Variants in ATP11B observed in about 807,000 individuals in gnomAD.
ATP11B encodes the protein phospholipid-transporting ATPase IF.
ATP11B carries 81 observed loss-of-function variants against 157.8 expected under a neutral mutation model. The observed-to-expected ratio is 0.51, with a 90% CI of 0.43 to 0.62. The LOEUF is 0.62. ATP11B is among the 20% of genes least tolerant of loss of function. ATP11B has a pLI of 0.00. For missense variants in ATP11B, 1,165 were observed against 1,402.2 expected, an observed-to-expected ratio of 0.83 and a Z score of 2.70; for synonymous variants, 451 against 469.4, an observed-to-expected ratio of 0.96 and a Z score of 0.51.
intron 1 of ATP11B, among the ~76,000 whole-genome samples, chr3:182,805,400 C>T (rs1716264094): frequency 6.6e-6 from 1 of 151,356 alleles, no homozygotes; most frequent in African/African-American, 2.4e-5. Context: ...TTTTTATGTA[C>T]CTGTTGGCCA....
intron 1 of ATP11B, among the ~76,000 whole-genome samples, chr3:182,809,558 C>T (rs112347004): frequency 1.3e-5 from 2 of 152,236 alleles, no homozygotes; most frequent in African/African-American, 4.8e-5. Context: ...CCGCTCTGTA[C>T]ACTAATAAGC....
intron 3 of ATP11B, 103 bp downstream of exon 3, chr3:182,828,312 A>T (rs1717865083): frequency 3.7e-6 from 2 of 543,446 alleles, no homozygotes; most frequent in Non-Finnish European, 6.4e-6. Context: ...TGACCATGTG[A>T]CCATTTTTTC....
At chr3:182,839,998 T>A (rs1019090486) in intron 7 of ATP11B, among the ~76,000 whole-genome samples, 5 of 152,210 alleles carry the variant, frequency 3.3e-5, no homozygotes, top group Non-Finnish European at 5.9e-5. Context: ...GACCTTTTTT[T>A]AAATATTGCA....
rs1721741787 is a variant in ATP11B at position 182,872,549 on chromosome 3, A to C, written c.2048+12A>C. The stretch of plus-strand genomic sequence containing the variant: ...GCAGTAGAAGACAGGTAAGTATCAG[A>C]TAATTAAAAAATATTACTTTTCTCT... On this transcript the variant is annotated intron_variant, in intron 18 of 29. Transcript: ENST00000323116. 1.3e-6 allele frequency: 2 copies of C among 1,562,522 alleles called. No individual in the cohort carries two copies. The highest frequency in any genetic ancestry group is 1.7e-6 in the Non-Finnish European group (2 of 1,157,476).
intron 28 of ATP11B, chr3:182,902,517 A>G: frequency 7.8e-7 from 1 of 1,289,590 alleles, no homozygotes; most frequent in Non-Finnish European, 1.0e-6. Flanking sequence ...TGACGAGTTC[A>G]TCGCACTGCA....
At chr3:182,830,002 AGTATT>A in intron 4 of ATP11B, 1 of 925,154 alleles carries the variant, frequency 1.1e-6, no homozygotes, top group Non-Finnish European at 1.3e-6. Flanking sequence ...TCCAAAAACA[AGTATT>A]GTATATGTAT....
At chr3:182,903,338 A>C (rs1220378520) in intron 28 of ATP11B, among the ~76,000 whole-genome samples, 3 of 151,940 alleles carry the variant, frequency 2.0e-5, no homozygotes, top group East Asian at 3.8e-4. Flanking sequence ...TTTTTAAATT[A>C]TTTTTTATTC....
intron 1 of ATP11B, among the ~76,000 whole-genome samples, chr3:182,808,241 A>G (rs572100439): frequency 5.3e-5 from 8 of 152,326 alleles, no homozygotes; most frequent in African/African-American, 1.4e-4. Flanking sequence ...AGTGAGAGTG[A>G]ACCTGATTGT....
intron 29 of ATP11B, chr3:182,915,213 G>A (rs1725061126): frequency 1.0e-6 from 1 of 985,220 alleles, no homozygotes; most frequent in African/African-American, 1.7e-5. Context: ...ATGCCTTTAT[G>A]ATACAATTGA....
At chr3:182,846,720 A>T (rs1165537038) in intron 9 of ATP11B, among the ~76,000 whole-genome samples, 1 of 152,236 alleles carries the variant, frequency 6.6e-6, no homozygotes, top group East Asian at 1.9e-4. Context: ...GAAGCCAGAC[A>T]CAAAAGGCCA....
chr3:182,887,151 A>C (rs939076536), intron 23 of ATP11B, among the ~76,000 whole-genome samples: 22 of 152,316 alleles, frequency 1.4e-4, no homozygotes, highest in Non-Finnish European at 2.9e-4. Context: ...TTCATGGAAG[A>C]AGATAGTCTT....
At chr3:182,887,427 A>G (rs1722870802) in intron 23 of ATP11B, among the ~76,000 whole-genome samples, 159 bp from the exon 24 acceptor site, 1 of 152,242 alleles carries the variant, frequency 6.6e-6, no homozygotes, top group South Asian at 2.1e-4. Flanking sequence ...TTATGTCAGT[A>G]TTAAAAACAA....
At chr3:182,859,815 G>A (rs967727598) in intron 12 of ATP11B, among the ~76,000 whole-genome samples, 7 of 151,998 alleles carry the variant, frequency 4.6e-5, no homozygotes, top group African/African-American at 1.4e-4. Flanking sequence ...TTTCCCAAGA[G>A]TTATTTGCTC....
At chr3:182,798,413 C>T (rs1715765833) in intron 1 of ATP11B, among the ~76,000 whole-genome samples, 1 of 152,204 alleles carries the variant, frequency 6.6e-6, no homozygotes, top group Admixed American at 6.5e-5. Flanking sequence ...AAAAAGGAAG[C>T]ACTGGCCTAG....
At position 182,836,382 on chromosome 3, in the gene ATP11B, C is replaced by A. The variant is rs1329918279; in HGVS notation, c.464C>A (p.Pro155His). 2 of 1,613,684 alleles carry A rather than the reference C, an allele frequency of 1.2e-6. No individual in the cohort carries two copies. The highest frequency in any genetic ancestry group is 1.7e-6 in the Non-Finnish European group (2 of 1,179,816). Reference sequence around the variant, plus strand: ...CGAATAGCCAAAGATGAAATTTTTCCTGCAGACTTGGTGCTTCTGTCCTCA... The same window carrying A: ...CGAATAGCCAAAGATGAAATTTTTCATGCAGACTTGGTGCTTCTGTCCTCA... ...IVRIAKDEIF[P>H]ADLVLLSSDR... is the part of the protein sequence containing the mutation. The change falls in exon 6 of 30, where the codon CCT becomes CAT. Residue 155 changes from proline to histidine, a missense_variant. Physicochemically the swap from Pro to His is moderately conservative, Grantham distance 77 (BLOSUM62 -2). Around this residue, in one of 4 missense-constraint regions of ATP11B, gnomAD observed 737 missense variants for 930.5 expected, o/e 0.79. Transcript: ENST00000323116.
chr3:182,834,197 T>C (rs761725046), intron 4 of ATP11B, among the ~76,000 whole-genome samples: 5 of 152,216 alleles, frequency 3.3e-5, no homozygotes, highest in Non-Finnish European at 7.3e-5. Flanking sequence ...TTCAATTAAA[T>C]TTCTCTAAAA....
intron 22 of ATP11B, 65 bp from the exon 23 acceptor site, chr3:182,885,886 T>TA (rs1722764909): frequency 1.7e-6 from 2 of 1,171,440 alleles, no homozygotes; most frequent in African/African-American, 1.7e-5. Flanking sequence ...CCATTTTTTT[T>TA]ATTTTTTATT....
chr3:182,812,395 G>T (rs1716724789), intron 1 of ATP11B, among the ~76,000 whole-genome samples: 1 of 152,148 alleles, frequency 6.6e-6, no homozygotes, highest in South Asian at 2.1e-4. Context: ...GGATACTGCA[G>T]CCATAAAATT....
chr3:182,837,053 T>G lies in ATP11B; in HGVS notation c.553-18T>G, dbSNP rs554778952. On this transcript the variant is annotated intron_variant, in intron 6 of 29. Transcript: ENST00000323116. ...AATTTGGATCTGAAAACTCTACAGT[T>G]TAATTCATTTTTTTCAGACACATGT... 8 of 1,590,832 alleles carry G rather than the reference T, an allele frequency of 5.0e-6. No individual in the cohort carries two copies. The highest frequency in any genetic ancestry group is 3.4e-5 in the Admixed American group (2 of 58,754).
Sources: allele counts gnomAD v4.1 joint callset (sites outside exome capture counted in the v4.1 genomes callset), GRCh38; gene constraint gnomAD v4.1.1; regional missense constraint gnomAD v4.1.1; transcripts MANE v1.5; gene names NCBI Gene and HGNC (gene_info 2026-07-23, HGNC 2026-07-21).